Variants in MGAT4C observed in about 807,000 individuals in gnomAD.
MGAT4C encodes MGAT4 family member C, also known as alpha-1,3-mannosyl-glycoprotein 4-beta-N-acetylglucosaminyltransferase C.
In MGAT4C, 19 loss-of-function variants were observed where a neutral mutation model predicts 40.1. The ratio of observed to expected loss-of-function variants is 0.47; its 90% CI spans 0.33 to 0.70. The LOEUF (loss-of-function observed/expected upper bound fraction) is 0.70, where lower values mean the gene tolerates loss of function less well. MGAT4C is among the 30% of genes least tolerant of loss of function. The pLI is 0.02. For synonymous variants in MGAT4C, 181 were observed against 187.1 expected (o/e 0.97, Z 0.27); for missense variants, 491 against 563.2 (o/e 0.87, Z 1.30).
intron 1 of MGAT4C, among the ~76,000 whole-genome samples, chr12:86,086,013 C>A (rs977510695): frequency 2.6e-5 from 4 of 151,974 alleles, no homozygotes; most frequent in Admixed American, 2.0e-4. Context: ...CTAGAAATAC[C>A]ATTTGACCCA....
At chr12:86,081,638 G>A (rs188120105) in intron 1 of MGAT4C, among the ~76,000 whole-genome samples, 44 of 152,208 alleles carry the variant, frequency 2.9e-4, no homozygotes, top group Non-Finnish European at 5.3e-4. Flanking sequence ...AGTCTGGGGG[G>A]TGACAACTTA....
Position 86,590,628 on chromosome 12 carries a change from G to A in MGAT4C, c.-229+136581C>T, listed in dbSNP as rs376531317. On this transcript the variant is annotated intron_variant, in intron 2 of 7. Transcript: ENST00000548651. Reference sequence around the variant, plus strand: ...AAAACATATTTTGTCATAATTAACAGCAATGTGATTATGCAGATGGCTTAA... The same window carrying A: ...AAAACATATTTTGTCATAATTAACAACAATGTGATTATGCAGATGGCTTAA... Among the ~76,000 whole-genome samples the A allele has an allele frequency of 8.8e-4, 133 of 151,932 alleles. No homozygotes were observed. In the South Asian group the frequency reaches 0.026, roughly 30 times the overall value.
At chr12:86,186,380 C>T (rs147166047) in intron 1 of MGAT4C, among the ~76,000 whole-genome samples, 2 of 152,138 alleles carry the variant, frequency 1.3e-5, no homozygotes, top group Non-Finnish European at 2.9e-5. Flanking sequence ...GAGTTTAAAT[C>T]ATTCACATGG....
chr12:86,791,496 G>A (rs1952021328), intron 1 of MGAT4C, among the ~76,000 whole-genome samples: 1 of 151,402 alleles, frequency 6.6e-6, no homozygotes, highest in South Asian at 2.1e-4. Context: ...CAGGTTGTGG[G>A]ACTTAAGAGA....
intron 1 of MGAT4C, among the ~76,000 whole-genome samples, chr12:86,770,430 A>G (rs1166992535): frequency 6.6e-6 from 1 of 152,148 alleles, no homozygotes; most frequent in African/African-American, 2.4e-5. Context: ...ATTTTGTTAA[A>G]TAATCAAATG....
chr12:86,264,471 G>A (rs1353421440), intron 4 of MGAT4C, among the ~76,000 whole-genome samples: 1 of 152,176 alleles, frequency 6.6e-6, no homozygotes, highest in Non-Finnish European at 1.5e-5. Flanking sequence ...CTGCAGCGGG[G>A]GAGGCGGGGA....
intron 2 of MGAT4C, among the ~76,000 whole-genome samples, chr12:86,571,421 GAA>G (rs552190543): frequency 6.6e-6 from 1 of 151,648 alleles, no homozygotes; most frequent in African/African-American, 2.4e-5. Flanking sequence ...ATATATATAT[GAA>G]AAAAATGTAT....
chr12:86,631,860 C>T (rs1963056626), intron 2 of MGAT4C, among the ~76,000 whole-genome samples: 1 of 152,010 alleles, frequency 6.6e-6, no homozygotes, highest in Non-Finnish European at 1.5e-5. Flanking sequence ...GACTTCATGT[C>T]TAAAACACCA....
rs1191218460 is a variant in MGAT4C, at chr12:86,558,995, T to C, written c.-228-123730A>G. 3.3e-5 allele frequency among the ~76,000 whole-genome samples: 5 copies of C among 151,720 alleles called. No homozygotes were observed. In the East Asian group the frequency reaches 9.7e-4, roughly 29 times the overall value. Reference sequence around the variant, plus strand: ...ACTCACTTCACTAAAAATAAAAGACTACAGACAGTCTATGCAATTGGAAAC... The same window carrying C: ...ACTCACTTCACTAAAAATAAAAGACCACAGACAGTCTATGCAATTGGAAAC... On this transcript the variant is annotated intron_variant, in intron 2 of 7. Transcript: ENST00000548651.
intron 1 of MGAT4C, among the ~76,000 whole-genome samples, chr12:86,185,443 T>C (rs1352094813): frequency 6.6e-6 from 1 of 152,186 alleles, no homozygotes; most frequent in Admixed American, 6.5e-5. Context: ...GAGACTTTTG[T>C]GAGTAATCAG....
At chr12:86,177,882 C>A (rs1044163865) in intron 1 of MGAT4C, among the ~76,000 whole-genome samples, 3 of 152,066 alleles carry the variant, frequency 2.0e-5, no homozygotes, top group African/African-American at 2.4e-5. Flanking sequence ...AAAATTCTAG[C>A]CTATTAGGGA....
At chr12:86,592,683 G>A (rs1331565881) in intron 2 of MGAT4C, among the ~76,000 whole-genome samples, 2 of 152,094 alleles carry the variant, frequency 1.3e-5, no homozygotes, top group East Asian at 3.9e-4. Context: ...CCACTCTAGT[G>A]AGTCACTGGC....
intron 1 of MGAT4C, among the ~76,000 whole-genome samples, chr12:86,182,489 C>T (rs1454477712): frequency 6.6e-6 from 1 of 152,012 alleles, no homozygotes; most frequent in Non-Finnish European, 1.5e-5. Flanking sequence ...CCACCTTTCC[C>T]ATTCTGTCTT....
At chr12:86,194,302 C>T (rs891899271) in intron 1 of MGAT4C, among the ~76,000 whole-genome samples, 1 of 151,994 alleles carries the variant, frequency 6.6e-6, no homozygotes, top group African/African-American at 2.4e-5. Context: ...AGTGACATAG[C>T]CCTGCATCCT....
intron 3 of MGAT4C, among the ~76,000 whole-genome samples, chr12:86,386,580 A>G (rs559814942): frequency 1.3e-5 from 2 of 152,314 alleles, no homozygotes; most frequent in South Asian, 4.1e-4. Flanking sequence ...AATTGTATAC[A>G]TAGCTTATTT....
At chr12:86,575,162 GC>G (rs1322914732) in intron 2 of MGAT4C, among the ~76,000 whole-genome samples, 1 of 151,446 alleles carries the variant, frequency 6.6e-6, no homozygotes, top group Non-Finnish European at 1.5e-5. Context: ...TAGCTTCCTT[GC>G]CCTTCTTCAA....
chr12:86,766,744 T>A (rs1951516991), intron 1 of MGAT4C, among the ~76,000 whole-genome samples: 1 of 151,926 alleles, frequency 6.6e-6, no homozygotes, highest in African/African-American at 2.4e-5. Context: ...ACATGGAAAC[T>A]GAACAACCTG....
chr12:86,275,944 C>CAAAAAAAAAAAAAAAA (rs748476574), intron 4 of MGAT4C, among the ~76,000 whole-genome samples: 4 of 69,190 alleles, frequency 5.8e-5, no homozygotes, highest in African/African-American at 1.1e-4. Flanking sequence ...ACTAAAAATC[C>CAAAAAAAAAAAAAAAA]AAAAAAAAAA....
intron 2 of MGAT4C, among the ~76,000 whole-genome samples, chr12:86,702,117 G>T (rs1447560186): frequency 6.6e-6 from 1 of 152,016 alleles, no homozygotes; most frequent in South Asian, 2.1e-4. Flanking sequence ...AACCCCCTGG[G>T]CTTAAGAGAT....
Sources: gnomAD v4.1 joint callset for allele counts (sites outside exome capture counted in the v4.1 genomes callset) on GRCh38, gnomAD v4.1.1 for gene constraint, MANE v1.5 for transcripts, NCBI Gene and HGNC (gene_info 2026-07-23, HGNC 2026-07-21) for gene names.